SRGAP1: variants seen among roughly 807,000 people sequenced by gnomAD.
SRGAP1 encodes the protein SLIT-ROBO Rho GTPase-activating protein 1.
SRGAP1 carries 43 observed loss-of-function variants against 121.9 expected under a neutral mutation model. The ratio of observed to expected loss-of-function variants is 0.35; its 90% confidence interval spans 0.28 to 0.46. The LOEUF is 0.46. Among genes scored for constraint, SRGAP1 ranks in the 20% least tolerant of loss-of-function variants. The pLI, the probability that SRGAP1 is intolerant of heterozygous loss-of-function variation, is 1.00. For synonymous variants in SRGAP1, 447 were observed against 485.4 expected, an observed-to-expected ratio of 0.92 and a Z score of 1.04; for missense variants, 1,102 against 1,350.9, an observed-to-expected ratio of 0.82 and a Z score of 2.89.
chr12:64,076,600 A>G (rs2136558575), intron 8 of SRGAP1, among the ~76,000 whole-genome samples: 1 of 152,336 alleles, frequency 6.6e-6, no homozygotes, highest in South Asian at 2.1e-4. Flanking sequence ...TAAGAGATAT[A>G]GAGAACACAG....
At chr12:63,914,253 G>A (rs917946410) in intron 1 of SRGAP1, among the ~76,000 whole-genome samples, 2 of 152,052 alleles carry the variant, frequency 1.3e-5, no homozygotes, top group Non-Finnish European at 1.5e-5. Context: ...AGTTGAACCC[G>A]GCTCTTAATC....
At chr12:64,025,625 G>A (rs1042591945) in intron 4 of SRGAP1, among the ~76,000 whole-genome samples, 1 of 152,064 alleles carries the variant, frequency 6.6e-6, no homozygotes, top group African/African-American at 2.4e-5. Context: ...AATATCTTTG[G>A]AATACCACAT....
intron 11 of SRGAP1, 59 bp from the exon 12 acceptor site, chr12:64,091,217 G>T (rs2036044713): frequency 8.0e-7 from 1 of 1,257,486 alleles, no homozygotes; most frequent in Non-Finnish European, 1.1e-6. Context: ...GTGACCTATA[G>T]ATGTTTCATT....
At chr12:64,025,462 T>C (rs1399807895) in intron 4 of SRGAP1, among the ~76,000 whole-genome samples, 1 of 152,144 alleles carries the variant, frequency 6.6e-6, no homozygotes, top group African/African-American at 2.4e-5. Flanking sequence ...TTGTTTTAGC[T>C]CAAGGGCATT....
chr12:63,879,008 T>C (rs1363252713), intron 1 of SRGAP1: 1 of 151,364 alleles, frequency 6.6e-6, no homozygotes, highest in African/African-American at 2.4e-5. Flanking sequence ...TTAATTTACA[T>C]TTTTTTTTCT....
chr12:64,066,342 C>G (rs1383987400), intron 8 of SRGAP1, among the ~76,000 whole-genome samples: 1 of 152,134 alleles, frequency 6.6e-6, no homozygotes, highest in Non-Finnish European at 1.5e-5. Context: ...CTGGACAAAC[C>G]ATTACATCTA....
At chr12:64,094,488 T>C (rs764066721) in intron 12 of SRGAP1, among the ~76,000 whole-genome samples, 19 of 152,176 alleles carry the variant, frequency 1.2e-4, no homozygotes, top group Non-Finnish European at 1.5e-4. Flanking sequence ...TCTATAGATA[T>C]ATAGATATGG....
intron 6 of SRGAP1, among the ~76,000 whole-genome samples, chr12:64,052,689 C>T (rs964360318): frequency 1.3e-5 from 2 of 152,038 alleles, no homozygotes; most frequent in African/African-American, 4.8e-5. Flanking sequence ...ATCTAAAGCT[C>T]ACCAATATAC....
In SRGAP1 at chr12:64,119,792, CAGAG is replaced by C. The variant is rs2036577304; in HGVS notation, c.2224+3900_2224+3903del. Among the ~76,000 whole-genome samples, 29 of 59,144 alleles carry C rather than the reference CAGAG, an allele frequency of 4.9e-4. 1 individual carries two copies. The highest frequency in any genetic ancestry group is 1.1e-3 in the Admixed American group (6 of 5,588). The allele number at this position is 59,144 out of a possible 152,430, so 38.8% of individuals were successfully genotyped here. On this transcript the variant is annotated intron_variant, in intron 18 of 21. Transcript: ENST00000355086. ...TTTCTTTTTTTTTTTTTTTTTTTGG[CAGAG>C]TTTTGCTTTTTTTGCCCAGGCTGGA... is the stretch of plus-strand genomic sequence containing the variant.
At chr12:64,074,215 C>T (rs1310765898) in intron 8 of SRGAP1, among the ~76,000 whole-genome samples, 3 of 152,174 alleles carry the variant, frequency 2.0e-5, no homozygotes, top group African/African-American at 7.2e-5. Context: ...ATCAAGGTTT[C>T]ATCATCTCTC....
intron 18 of SRGAP1, among the ~76,000 whole-genome samples, chr12:64,125,630 A>G (rs1364621120): frequency 6.6e-6 from 1 of 152,176 alleles, no homozygotes; most frequent in Admixed American, 6.5e-5. Context: ...TATTGAAGCA[A>G]TTGTGGAGGA....
intron 3 of SRGAP1, among the ~76,000 whole-genome samples, chr12:64,007,658 A>T (rs1248963859): frequency 6.6e-6 from 1 of 152,184 alleles, no homozygotes; most frequent in Non-Finnish European, 1.5e-5. Context: ...CATACAGAAG[A>T]TGGTATCAGC....
chr12:64,032,574 T>C, intron 4 of SRGAP1: 1 of 859,236 alleles, frequency 1.2e-6, no homozygotes, highest in African/African-American at 1.7e-5. Flanking sequence ...CGGACCTAGC[T>C]CTGCACATAA....
chr12:63,872,157 G>T, intron 1 of SRGAP1: 2 of 378,044 alleles, frequency 5.3e-6, no homozygotes, highest in Middle Eastern at 7.3e-4. Flanking sequence ...GGAACATTTC[G>T]TTATGTTTCA....
chr12:64,028,459 G>A (rs2034700939), intron 4 of SRGAP1, among the ~76,000 whole-genome samples: 1 of 152,216 alleles, frequency 6.6e-6, no homozygotes, highest in Admixed American at 6.5e-5. Context: ...GTGAGCACTG[G>A]ATAGGCTATA....
chr12:64,034,817 C>T (rs992179997), intron 4 of SRGAP1, among the ~76,000 whole-genome samples: 24 of 152,112 alleles, frequency 1.6e-4, no homozygotes, highest in Non-Finnish European at 1.0e-4. Context: ...TCTCATGAGT[C>T]GGAGCTCTTA....
At chr12:64,137,365 A>C (rs940041007) in intron 21 of SRGAP1, among the ~76,000 whole-genome samples, 2 of 152,142 alleles carry the variant, frequency 1.3e-5, no homozygotes, top group African/African-American at 4.8e-5. Flanking sequence ...AAAAAAATCC[A>C]TATGTTTAGC....
At position 64,011,917 on chromosome 12, in the gene SRGAP1, C is replaced by T. The variant is rs569688301; in HGVS notation, c.427-5033C>T. ...GATCACTTGAGCCCAGCCTGGGCAA[C>T]ATGGCAAAACCCTCTCTACATAAAA... On this transcript the variant is annotated intron_variant, in intron 3 of 21. Transcript: ENST00000355086. 1.2e-3 allele frequency among the ~76,000 whole-genome samples: 179 copies of T among 152,166 alleles called. 1 individual carries two copies. Among genetic ancestry groups the T allele is most frequent in the African/African-American group, 4.1e-3 (171 of 41,470 alleles).
intron 4 of SRGAP1, among the ~76,000 whole-genome samples, chr12:64,034,620 T>C (rs947890482): frequency 6.6e-5 from 10 of 152,206 alleles, no homozygotes; most frequent in African/African-American, 2.2e-4. Context: ...TGTGCACTTA[T>C]ATGTCAGCCT....
Sources: gnomAD v4.1 joint callset for allele counts (sites outside exome capture counted in the v4.1 genomes callset) on GRCh38, gnomAD v4.1.1 for gene constraint, MANE v1.5 for transcripts, NCBI Gene and HGNC (gene_info 2026-07-23, HGNC 2026-07-21) for gene names.